UNC13C: variants seen among roughly 807,000 people sequenced by gnomAD.
UNC13C encodes the protein unc-13 homolog C.
Under a neutral mutation model 245.4 loss-of-function variants are expected in UNC13C, and 174 were observed. That is an observed-to-expected ratio of 0.71 (90% CI 0.63 to 0.80). The LOEUF is 0.80. UNC13C is among the 30% of genes least tolerant of loss of function. The pLI, the probability that UNC13C is intolerant of heterozygous loss-of-function variation, is 0.00. For synonymous variants in UNC13C, 992 were observed against 895.1 expected (o/e 1.11, Z -1.93); for missense variants, 2,829 against 2,602.9 (o/e 1.09, Z -1.89).
intron 24 of UNC13C, among the ~76,000 whole-genome samples, chr15:54,522,587 C>T (rs1410921816): frequency 6.6e-6 from 1 of 152,150 alleles, no homozygotes; most frequent in African/African-American, 2.4e-5. Flanking sequence ...TAAAATACCT[C>T]AATGGTGTAA....
At chr15:54,516,315 T>C (rs1520405) in intron 24 of UNC13C, among the ~76,000 whole-genome samples, 5,014 of 152,278 alleles carry the variant, frequency 0.033, 282 homozygotes, top group African/African-American at 0.12. Context: ...GTAGTTCTTC[T>C]TGAACTTCAG....
At chr15:53,894,766 C>T in the UNC13C span, among the ~76,000 whole-genome samples, 1 of 152,100 alleles carries the variant, frequency 6.6e-6, no homozygotes, top group Non-Finnish European at 1.5e-5. Flanking sequence ...ATTTATTTGA[C>T]TGTAAATGAG....
chr15:53,875,555 G>C, the UNC13C span, among the ~76,000 whole-genome samples: 1 of 152,044 alleles, frequency 6.6e-6, no homozygotes, highest in African/African-American at 2.4e-5. Context: ...AAGTCACTGG[G>C]GAGTAACTTG....
chr15:54,336,771 ATT>A, intron 16 of UNC13C, among the ~76,000 whole-genome samples: 1 of 152,258 alleles, frequency 6.6e-6, no homozygotes. Flanking sequence ...ATTGTAAAAA[ATT>A]AAATTGACCA....
intron 10 of UNC13C, among the ~76,000 whole-genome samples, chr15:54,273,346 C>T (rs958188962): frequency 1.6e-4 from 24 of 152,052 alleles, no homozygotes; most frequent in Admixed American, 1.3e-4. Flanking sequence ...TCACTGTGTC[C>T]CTATCTCCCT....
At position 53,978,827 on chromosome 15, in the gene UNC13C, T is replaced by C. The variant is rs1466990236; in HGVS notation, c.-357T>C. Among the ~76,000 whole-genome samples, 1 of 151,950 alleles carries C rather than the reference T, an allele frequency of 6.6e-6. No individual in the cohort carries two copies. The highest frequency in any genetic ancestry group is 1.5e-5 in the Non-Finnish European group (1 of 67,980). On this transcript the variant is annotated 5_prime_UTR_variant, in exon 1 of 33. Coordinates refer to ENST00000260323, the MANE Select transcript of UNC13C (RefSeq NM_001080534.3). The stretch of plus-strand genomic sequence containing the variant: ...AAAGGAAACGAGACTAGAAACACAA[T>C]TGCAAGTGGTGTTCCTAAAAGGAAA...
intron 17 of UNC13C, among the ~76,000 whole-genome samples, chr15:54,360,300 GA>G (rs1244972911): frequency 6.6e-6 from 1 of 152,004 alleles, no homozygotes; most frequent in Non-Finnish European, 1.5e-5. Flanking sequence ...ACATTTTCTG[GA>G]AATGTCTGTG....
intron 2 of UNC13C, among the ~76,000 whole-genome samples, chr15:54,031,305 G>T (rs1220966084): frequency 6.6e-6 from 1 of 152,188 alleles, no homozygotes; most frequent in East Asian, 1.9e-4. Flanking sequence ...CTCACTGCAA[G>T]TTCCGCCTCC....
intron 10 of UNC13C, among the ~76,000 whole-genome samples, chr15:54,276,917 G>A (rs981477453): frequency 6.6e-6 from 1 of 151,944 alleles, no homozygotes; most frequent in Non-Finnish European, 1.5e-5. Flanking sequence ...TATAAAGTAA[G>A]CATAAAAATA....
chr15:54,524,414 C>T (rs57273810), intron 24 of UNC13C, among the ~76,000 whole-genome samples: 11,852 of 152,178 alleles, frequency 0.078, 560 homozygotes, highest in Admixed American at 0.13. Context: ...GTTAGGCGGA[C>T]TTGAGTTAAA....
intron 7 of UNC13C, among the ~76,000 whole-genome samples, chr15:54,246,560 A>C (rs1275064511): frequency 4.6e-5 from 7 of 152,168 alleles, no homozygotes. Flanking sequence ...GTGTTTTATA[A>C]ATTATTTTTA....
rs141343453 is a variant in UNC13C at position 54,408,813 on chromosome 15, C to T, written c.4848-6169C>T. ...TCTATAGTGTTTTTTATGAAATATG[C>T]GATCATATTTTATATGCTAATCTAT... On this transcript the variant is annotated intron_variant, in intron 18 of 32. Coordinates refer to ENST00000260323, the MANE Select transcript of UNC13C (RefSeq NM_001080534.3). 3.1e-3 allele frequency among the ~76,000 whole-genome samples: 470 copies of T among 152,174 alleles called. 2 individuals carry two copies. Among genetic ancestry groups the T allele is most frequent in the African/African-American group, 0.01 (433 of 41,516 alleles).
chr15:54,590,857 C>A (rs1306295501), intron 30 of UNC13C, among the ~76,000 whole-genome samples: 1 of 152,130 alleles, frequency 6.6e-6, no homozygotes, highest in Non-Finnish European at 1.5e-5. Flanking sequence ...GAGTGGCCAT[C>A]CCTGTCTTGT....
At chr15:54,367,561 C>T (rs757697352) in intron 17 of UNC13C, among the ~76,000 whole-genome samples, 2 of 152,128 alleles carry the variant, frequency 1.3e-5, no homozygotes, top group Non-Finnish European at 2.9e-5. Flanking sequence ...ACAGTACTTT[C>T]CACAAGGTAT....
At chr15:53,982,356 C>T (rs940081293) in intron 1 of UNC13C, among the ~76,000 whole-genome samples, 11 of 152,092 alleles carry the variant, frequency 7.2e-5, no homozygotes, top group Non-Finnish European at 1.5e-4. Context: ...ATTATTTACT[C>T]TAGAAGTAGC....
chr15:53,916,109 CT>C, the UNC13C span, among the ~76,000 whole-genome samples: 1 of 152,156 alleles, frequency 6.6e-6, no homozygotes, highest in Non-Finnish European at 1.5e-5. Flanking sequence ...ACATAAATTA[CT>C]GTGGTGGACT....
rs28704091 is a variant in UNC13C at position 54,627,987 on chromosome 15, A to G, written c.*874A>G. 13,696 of 152,510 alleles carry G rather than the reference A, an allele frequency of 0.09. 650 individuals are homozygous for G. Among genetic ancestry groups the G allele is most frequent in the Middle Eastern group, 0.11 (33 of 292 alleles). 9.4% of individuals were successfully genotyped at this position (152,510 alleles called of 1,614,324 possible). A position where few individuals can be genotyped will look rare whatever the true frequency, so the allele number is the denominator to read the frequency against. On this transcript the variant is annotated 3_prime_UTR_variant, in exon 33 of 33. Coordinates refer to ENST00000260323, the MANE Select transcript of UNC13C (RefSeq NM_001080534.3). ...GACTCTATAATCAGTTCAATGCTTT[A>G]TTTTTAAAAATATTCAATGATTAGT...
chr15:54,505,744 C>CGT (rs375652536), intron 22 of UNC13C, among the ~76,000 whole-genome samples: 21 of 129,816 alleles, frequency 1.6e-4, no homozygotes, highest in Middle Eastern at 4.5e-3. Context: ...AAGCTATATT[C>CGT]TTTTTTTTTT....
At chr15:54,212,688 A>G (rs1287271926) in intron 4 of UNC13C, among the ~76,000 whole-genome samples, 1 of 152,046 alleles carries the variant, frequency 6.6e-6, no homozygotes, top group African/African-American at 2.4e-5. Flanking sequence ...TGTTTTAACT[A>G]CTGGATTTAA....
Sources: gnomAD v4.1 joint callset for allele counts (sites outside exome capture counted in the v4.1 genomes callset) on GRCh38, gnomAD v4.1.1 for gene constraint, MANE v1.5 for transcripts, NCBI Gene and HGNC (gene_info 2026-07-23, HGNC 2026-07-21) for gene names.